DNAJB6: variants seen among roughly 807,000 people sequenced by gnomAD.
DNAJB6 encodes dnaJ homolog subfamily B member 6.
A neutral mutation model predicts 42.7 loss-of-function variants in DNAJB6; 16 were observed. That is an observed-to-expected ratio of 0.37 (90% CI 0.25 to 0.57). The LOEUF (loss-of-function observed/expected upper bound fraction) is 0.57, where lower values mean the gene tolerates loss of function less well. Ranked by LOEUF, DNAJB6 falls within the 20% of genes least tolerant of loss-of-function variation. DNAJB6 has a pLI of 0.74. For missense variants in DNAJB6, 347 were observed against 416.8 expected, an observed-to-expected ratio of 0.83 and a Z score of 1.46; for synonymous variants, 170 against 163.5, an observed-to-expected ratio of 1.04 and a Z score of -0.30.
intron 1 of DNAJB6, among the ~76,000 whole-genome samples, chr7:157,346,960 G>A (rs532289624): frequency 5.3e-5 from 8 of 152,280 alleles, no homozygotes; most frequent in Non-Finnish European, 7.4e-5. Flanking sequence ...GGTTCACACC[G>A]TTCTCCTGCC....
chr7:157,364,867 T>C (rs1799769746), intron 3 of DNAJB6, among the ~76,000 whole-genome samples: 1 of 152,242 alleles, frequency 6.6e-6, no homozygotes, highest in African/African-American at 2.4e-5. Context: ...GTCATTGTTC[T>C]TGCCATGGCA....
chr7:157,367,773 C>G (rs992371351), intron 5 of DNAJB6, among the ~76,000 whole-genome samples: 1 of 150,992 alleles, frequency 6.6e-6, no homozygotes, highest in Non-Finnish European at 1.5e-5. Flanking sequence ...GCAGGAGAAT[C>G]ACTTGAACCC....
chr7:157,371,298 A>G (rs1299535923), intron 5 of DNAJB6, among the ~76,000 whole-genome samples: 3 of 152,270 alleles, frequency 2.0e-5, no homozygotes, highest in Non-Finnish European at 2.9e-5. Flanking sequence ...AAAGTAGTTT[A>G]AAATGTGCTG....
At chr7:157,415,490 G>A in intron 9 of DNAJB6, 1 of 156,432 alleles carries the variant, frequency 6.4e-6, no homozygotes, top group Non-Finnish European at 1.4e-5. Flanking sequence ...GTGGCCAGCG[G>A]GGGAAGCGGA....
intron 9 of DNAJB6, chr7:157,414,614 G>A (rs900597167): frequency 6.6e-6 from 1 of 152,212 alleles, no homozygotes. Context: ...CGCGCATCTC[G>A]TGCTGCTCCT....
At chr7:157,407,242 C>T (rs11972490) in intron 8 of DNAJB6, among the ~76,000 whole-genome samples, 230 of 152,282 alleles carry the variant, frequency 1.5e-3, no homozygotes, top group African/African-American at 5.1e-3. Flanking sequence ...GGCGAGTGAG[C>T]GGCTCACGCT....
At position 157,416,368 on chromosome 7, in the gene DNAJB6, G is replaced by A. The variant is rs554220388; in HGVS notation, c.*270G>A. ...TGCTGCATTTTCCTCTAGTGCTTCC[G>A]GATCCTCTTCATTCTTTTCGGCTAC... On this transcript the variant is annotated 3_prime_UTR_variant, in exon 10 of 10. Transcript: ENST00000262177. 7.9e-5 allele frequency: 36 copies of A among 455,852 alleles called. No individual in the cohort carries two copies. Among genetic ancestry groups the A allele is most frequent in the African/African-American group, 4.9e-4 (25 of 51,254 alleles). 28.2% of individuals were successfully genotyped at this position (455,852 alleles called of 1,614,324 possible). A position where few individuals can be genotyped will look rare whatever the true frequency, so the allele number is the denominator to read the frequency against.
chr7:157,393,106 T>C (rs187111534), intron 8 of DNAJB6, among the ~76,000 whole-genome samples: 1 of 152,262 alleles, frequency 6.6e-6, no homozygotes, highest in African/African-American at 2.4e-5. Flanking sequence ...CCCGAGTAGC[T>C]GGAATTACAG....
chr7:157,363,111 A>T (rs1313509875), intron 2 of DNAJB6, 50 bp from the exon 3 acceptor site: 1 of 1,306,736 alleles, frequency 7.7e-7, no homozygotes, highest in Admixed American at 2.0e-5. Flanking sequence ...TCAAAAGCAT[A>T]GTTGATTTCT....
intron 8 of DNAJB6, among the ~76,000 whole-genome samples, chr7:157,393,216 TC>T (rs1801431175): frequency 1.3e-5 from 2 of 152,132 alleles, no homozygotes; most frequent in African/African-American, 2.4e-5. Context: ...CCTCGAGTTA[TC>T]CCGCCCTCCT....
chr7:157,376,264 G>A (rs1000919256), intron 5 of DNAJB6, among the ~76,000 whole-genome samples: 2 of 152,088 alleles, frequency 1.3e-5, no homozygotes, highest in Admixed American at 6.5e-5. Flanking sequence ...ACTGTTCATT[G>A]TATATATATA....
chr7:157,386,005 G>A (rs957539231), intron 8 of DNAJB6: 87 of 997,818 alleles, frequency 8.7e-5, no homozygotes, highest in Middle Eastern at 5.0e-4. Context: ...GCCACGTAGT[G>A]TCGGCCTGCT....
At chr7:157,357,850 C>T (rs1211543522) in intron 1 of DNAJB6, among the ~76,000 whole-genome samples, 3 of 152,160 alleles carry the variant, frequency 2.0e-5, no homozygotes, top group Non-Finnish European at 4.4e-5. Context: ...GAGAATGAAT[C>T]TCTGCTGCTG....
chr7:157,351,231 G>GT (rs1235483918), intron 1 of DNAJB6, among the ~76,000 whole-genome samples: 1 of 152,060 alleles, frequency 6.6e-6, no homozygotes, highest in Non-Finnish European at 1.5e-5. Flanking sequence ...CTGTCTCACT[G>GT]TTTTTGTTCT....
intron 1 of DNAJB6, among the ~76,000 whole-genome samples, chr7:157,338,261 G>A (rs1480789908): frequency 6.6e-6 from 1 of 152,068 alleles, no homozygotes; most frequent in African/African-American, 2.4e-5. Flanking sequence ...ATTTCTGAAA[G>A]GAATTATATG....
chr7:157,349,588 T>G (rs1798865999), intron 1 of DNAJB6, among the ~76,000 whole-genome samples: 1 of 151,764 alleles, frequency 6.6e-6, no homozygotes. Flanking sequence ...GCTCAAGCCA[T>G]CCTCCCACCT....
At chr7:157,375,173 T>A (rs546177762) in intron 5 of DNAJB6, among the ~76,000 whole-genome samples, 2 of 152,230 alleles carry the variant, frequency 1.3e-5, no homozygotes, top group East Asian at 3.9e-4. Context: ...GGCAGTATGA[T>A]AGTGTAGGGG....
At chr7:157,400,978 G>A (rs181085314) in intron 8 of DNAJB6, among the ~76,000 whole-genome samples, 30 of 152,312 alleles carry the variant, frequency 2.0e-4, no homozygotes, top group African/African-American at 6.7e-4. Context: ...TGTCTTAAAA[G>A]GGGAGGTGAG....
intron 1 of DNAJB6, 44 bp downstream of exon 1, chr7:157,337,188 C>G (rs1051459324): frequency 6.6e-6 from 1 of 152,420 alleles, no homozygotes; most frequent in Non-Finnish European, 1.5e-5. Context: ...CCTAGGGCCC[C>G]GCGCGCGCCC....
Sources: allele counts gnomAD v4.1 joint callset (sites outside exome capture counted in the v4.1 genomes callset), GRCh38; gene constraint gnomAD v4.1.1; transcripts MANE v1.5; gene names NCBI Gene and HGNC (gene_info 2026-07-23, HGNC 2026-07-21).